Variants in PDE1A observed in about 807,000 individuals in gnomAD.
PDE1A encodes phosphodiesterase 1A, also known as dual specificity calcium/calmodulin-dependent 3',5'-cyclic nucleotide phosphodiesterase 1A.
Under a neutral mutation model 61.7 loss-of-function variants are expected in PDE1A, and 35 were observed. The ratio of observed to expected loss-of-function variants is 0.57; its 90% confidence interval spans 0.43 to 0.75. PDE1A has a LOEUF of 0.75. Among genes scored for constraint, PDE1A ranks in the 30% least tolerant of loss-of-function variants. PDE1A has a pLI of 0.00. For synonymous variants in PDE1A, 232 were observed against 213.2 expected, an observed-to-expected ratio of 1.09 and a Z score of -0.77; for missense variants, 597 against 630.6, an observed-to-expected ratio of 0.95 and a Z score of 0.57.
At chr2:182,438,614 A>G (rs915597803) in intron 2 of PDE1A, among the ~76,000 whole-genome samples, 8 of 151,964 alleles carry the variant, frequency 5.3e-5, no homozygotes, top group African/African-American at 1.9e-4. Context: ...CAATGCAGAG[A>G]AAGAAAGTTC....
intron 2 of PDE1A, among the ~76,000 whole-genome samples, chr2:182,514,030 C>A (rs1167908760): frequency 6.6e-6 from 1 of 152,032 alleles, no homozygotes; most frequent in Non-Finnish European, 1.5e-5. Context: ...TTCTATACAC[C>A]AGTAACATCC....
At chr2:182,549,012 T>C in the PDE1A span, among the ~76,000 whole-genome samples, 1 of 152,234 alleles carries the variant, frequency 6.6e-6, no homozygotes, top group Admixed American at 6.5e-5. Context: ...GGTAAATGTA[T>C]ATTAGTATGT....
At chr2:182,710,571 T>C in the PDE1A span, among the ~76,000 whole-genome samples, 1 of 152,250 alleles carries the variant, frequency 6.6e-6, no homozygotes, top group Non-Finnish European at 1.5e-5. Context: ...AGTTTTACTC[T>C]TTAGATTCTA....
chr2:182,205,574 T>C (rs1409299517), intron 8 of PDE1A, among the ~76,000 whole-genome samples: 1 of 152,158 alleles, frequency 6.6e-6, no homozygotes, highest in Non-Finnish European at 1.5e-5. Context: ...AAAAAAAATA[T>C]ATGAAAGAAT....
At chr2:182,417,810 C>T (rs550611779) in intron 1 of PDE1A, among the ~76,000 whole-genome samples, 14 of 152,114 alleles carry the variant, frequency 9.2e-5, no homozygotes, top group South Asian at 2.1e-4. Context: ...CCAGAGTTAA[C>T]GAATCAAAAT....
At chr2:182,180,596 G>A (rs1442571023) in intron 13 of PDE1A, among the ~76,000 whole-genome samples, 2 of 152,046 alleles carry the variant, frequency 1.3e-5, no homozygotes, top group South Asian at 4.1e-4. Context: ...TATCTTAGTG[G>A]TGTTCTATGT....
chr2:182,266,322 G>C (rs980332792), intron 1 of PDE1A, among the ~76,000 whole-genome samples: 2 of 152,120 alleles, frequency 1.3e-5, no homozygotes, highest in Non-Finnish European at 2.9e-5. Flanking sequence ...TGGTTATAAT[G>C]GATCAAGATA....
At chr2:182,309,772 T>C (rs1051544299) in intron 1 of PDE1A, among the ~76,000 whole-genome samples, 3 of 152,064 alleles carry the variant, frequency 2.0e-5, no homozygotes, top group Admixed American at 6.5e-5. Context: ...ATCAAAACCA[T>C]AATTTTAAGA....
chr2:182,273,295 G>A (rs1301319474), intron 1 of PDE1A, among the ~76,000 whole-genome samples: 1 of 151,912 alleles, frequency 6.6e-6, no homozygotes, highest in Non-Finnish European at 1.5e-5. Flanking sequence ...TTGAATCACT[G>A]ACCATGACAA....
At chr2:182,566,492 T>C in the PDE1A span, among the ~76,000 whole-genome samples, 1 of 151,248 alleles carries the variant, frequency 6.6e-6, no homozygotes, top group Non-Finnish European at 1.5e-5. Flanking sequence ...CCATATGCTA[T>C]GCATAATATA....
At chr2:182,713,700 T>C in the PDE1A span, among the ~76,000 whole-genome samples, 1 of 152,112 alleles carries the variant, frequency 6.6e-6, no homozygotes, top group South Asian at 2.1e-4. Flanking sequence ...CTTGACTCCA[T>C]CCCTCTCATA....
At chr2:182,178,155 G>A (rs996678921) in intron 13 of PDE1A, among the ~76,000 whole-genome samples, 3 of 152,080 alleles carry the variant, frequency 2.0e-5, no homozygotes, top group Non-Finnish European at 4.4e-5. Context: ...TTGTTACTAA[G>A]CTACCCCAAA....
chr2:182,147,184 A>G, intron 13 of PDE1A, 32 bp from the exon 14 acceptor site: 2 of 1,340,662 alleles, frequency 1.5e-6, no homozygotes, highest in South Asian at 1.2e-5. Flanking sequence ...AGCAAAACAA[A>G]ACAAAATAAG....
the PDE1A span, among the ~76,000 whole-genome samples, chr2:182,695,397 A>C: frequency 6.6e-6 from 1 of 152,182 alleles, no homozygotes; most frequent in Non-Finnish European, 1.5e-5. Context: ...TTCAGTGTGG[A>C]CATGTCTGAG....
chr2:182,467,469 A>G (rs540281347), intron 2 of PDE1A, among the ~76,000 whole-genome samples: 2 of 152,116 alleles, frequency 1.3e-5, no homozygotes, highest in Admixed American at 1.3e-4. Context: ...GAATTATATT[A>G]AACATTTCAG....
At chr2:182,628,919 G>T in the PDE1A span, among the ~76,000 whole-genome samples, 1 of 152,084 alleles carries the variant, frequency 6.6e-6, no homozygotes, top group Admixed American at 6.5e-5. Flanking sequence ...GTGATGGTAT[G>T]GGATGTCAGT....
chr2:182,643,536 T>C, the PDE1A span, among the ~76,000 whole-genome samples: 4 of 152,198 alleles, frequency 2.6e-5, no homozygotes. Context: ...ATGTTTGCTC[T>C]ACAACAAATG....
chr2:182,215,924 G>T (rs1375338944), intron 7 of PDE1A, among the ~76,000 whole-genome samples: 2 of 120,688 alleles, frequency 1.7e-5, no homozygotes, highest in African/African-American at 6.8e-5. Context: ...TATGAGGCTA[G>T]CATCATTCTG....
the PDE1A span, among the ~76,000 whole-genome samples, chr2:182,622,874 T>A: frequency 6.6e-6 from 1 of 152,276 alleles, no homozygotes; most frequent in South Asian, 2.1e-4. Context: ...AAGGACATAT[T>A]CAGAGATGGA....
Sources: gnomAD v4.1 joint callset for allele counts (sites outside exome capture counted in the v4.1 genomes callset) on GRCh38, gnomAD v4.1.1 for gene constraint, MANE v1.5 for transcripts, NCBI Gene and HGNC (gene_info 2026-07-23, HGNC 2026-07-21) for gene names.